RBM34: variants seen among roughly 807,000 people sequenced by gnomAD.
The protein encoded by RBM34 is RNA binding motif protein 34.
Under a neutral mutation model 44.6 loss-of-function variants are expected in RBM34, and 39 were observed. That is an observed-to-expected ratio of 0.87 (90% CI 0.68 to 1.14). The LOEUF (loss-of-function observed/expected upper bound fraction) is 1.14, where lower values mean the gene tolerates loss of function less well. Ranked by LOEUF, RBM34 falls within the 50% of genes most tolerant of loss-of-function variation. The probability of loss-of-function intolerance (pLI) is 0.00; values close to 1 mark genes in which losing one functional copy is unlikely to be tolerated. For synonymous variants in RBM34, 194 were observed against 184.0 expected (o/e 1.05, Z -0.44); for missense variants, 572 against 517.9 (o/e 1.10, Z -1.01).
At chr1:235,140,315 G>T (rs542507661) in intron 6 of RBM34, among the ~76,000 whole-genome samples, 2 of 152,318 alleles carry the variant, frequency 1.3e-5, no homozygotes, top group African/African-American at 4.8e-5. Flanking sequence ...CCAGGGCTGC[G>T]CGGCGCTTGC....
intron 5 of RBM34, chr1:235,152,457 C>T: frequency 8.6e-7 from 1 of 1,169,420 alleles, no homozygotes. Flanking sequence ...AGTCACCCAT[C>T]CACCCTCCAA....
intron 3 of RBM34, among the ~76,000 whole-genome samples, chr1:235,158,279 T>A (rs1662536376): frequency 1.3e-5 from 2 of 151,710 alleles, no homozygotes; most frequent in Non-Finnish European, 2.9e-5. Context: ...TAGCTGGGTG[T>A]GGTGGTGGGC....
intron 6 of RBM34, among the ~76,000 whole-genome samples, chr1:235,146,291 G>A (rs1265628716): frequency 6.6e-6 from 1 of 152,104 alleles, no homozygotes; most frequent in Non-Finnish European, 1.5e-5. Context: ...AAAACTTTAT[G>A]TCCATCAGTG....
intron 6 of RBM34, among the ~76,000 whole-genome samples, chr1:235,139,502 G>A (rs1310780441): frequency 6.6e-6 from 1 of 152,112 alleles, no homozygotes; most frequent in Non-Finnish European, 1.5e-5. Context: ...ACAAGTGGCT[G>A]GCCTAGGACT....
At chr1:235,156,512 T>C (rs1421479339) in intron 3 of RBM34, 2 of 371,716 alleles carry the variant, frequency 5.4e-6, no homozygotes, top group Non-Finnish European at 1.1e-5. Context: ...AGCAGAGTAC[T>C]TACTCTGTAC....
rs1661509035 is a variant in RBM34, at chr1:235,138,168, T to G, written c.708A>C (p.Lys236Asn). ...TAATATTTTTCTGATCAGGATGAAT[T>G]TTACGTCTACACCAAAAAAAAAAAA... The part of the protein sequence containing the change: ...LSKKLAAIKR[K>N]IHPDQKNINA... Residue 236 changes from lysine (K) to asparagine (N), a missense_variant, in exon 7 of 11, where the codon AAA (lysine) becomes AAC (asparagine). Transcript: ENST00000408888. 5.7e-6 allele frequency: 9 copies of G among 1,591,476 alleles called. No individual in the cohort carries two copies. In the East Asian group the frequency reaches 8.9e-5, roughly 16 times the overall value.
At chr1:235,150,585 C>T (rs1366718089) in intron 5 of RBM34, among the ~76,000 whole-genome samples, 2 of 152,082 alleles carry the variant, frequency 1.3e-5, no homozygotes, top group Admixed American at 6.6e-5. Flanking sequence ...GGCAAAGGGA[C>T]AAAGGTGAGA....
In RBM34 at chr1:235,131,915, T is replaced by C. The variant is rs1175470610; in HGVS notation, c.1091A>G (p.Asn364Ser). The C allele has an allele frequency of 2.5e-5, 40 of 1,613,654 alleles. No homozygotes were observed. Among genetic ancestry groups the C allele is most frequent in the Non-Finnish European group, 3.4e-5 (40 of 1,179,676 alleles). The change falls in exon 11 of 11, where the codon AAT becomes AGT. Residue 364 changes from asparagine (N) to serine (S), a missense_variant. Physicochemically the swap from Asn to Ser is conservative, Grantham distance 46. Transcript: ENST00000408888. ...GRKLRVMRSV[N>S]KEKFKQQNSN... ...ATTTTGTTGTTTAAATTTTTCTTTA[T>C]TAACAGAACGCATGACTCTGAGTTT...
intron 10 of RBM34, 132 bp from the exon 11 acceptor site, chr1:235,132,129 A>G (rs1043778076): frequency 4.7e-5 from 37 of 782,430 alleles, no homozygotes; most frequent in Non-Finnish European, 3.1e-5. Flanking sequence ...TCCCAGGTGT[A>G]TCAGCTGCTG....
intron 3 of RBM34, among the ~76,000 whole-genome samples, chr1:235,157,223 G>A (rs1662487049): frequency 6.6e-6 from 1 of 152,220 alleles, no homozygotes; most frequent in African/African-American, 2.4e-5. Context: ...TTGGAGAAGG[G>A]AGACCAGTAA....
intron 5 of RBM34, among the ~76,000 whole-genome samples, chr1:235,149,573 T>C (rs941827570): frequency 2.0e-5 from 3 of 152,196 alleles, no homozygotes; most frequent in African/African-American, 4.8e-5. Flanking sequence ...GTGTCCATCA[T>C]GCAGGTAAGG....
In RBM34 at chr1:235,149,182, G is replaced by A. The variant is rs562091639; in HGVS notation, c.658-735C>T. Among the ~76,000 whole-genome samples, 123 of 151,664 alleles carry A rather than the reference G, an allele frequency of 8.1e-4. No individual in the cohort carries two copies. In the East Asian group the frequency reaches 0.01, roughly 12 times the overall value. ...GGCGGGCGGATCACGAGGTCAGGAG[G>A]TTGAGACCATCCTGGCTAACACGGT... is the stretch of plus-strand genomic sequence containing the variant. On this transcript the variant is annotated intron_variant, in intron 5 of 10. Transcript: ENST00000408888.
intron 8 of RBM34, among the ~76,000 whole-genome samples, chr1:235,136,662 T>G (rs879924935): frequency 6.6e-6 from 1 of 152,234 alleles, no homozygotes; most frequent in Admixed American, 6.5e-5. Flanking sequence ...GGGTGAACTG[T>G]TATAACTGTC....
At chr1:235,157,718 T>C (rs900545446) in intron 3 of RBM34, among the ~76,000 whole-genome samples, 8 of 152,024 alleles carry the variant, frequency 5.3e-5, no homozygotes, top group Non-Finnish European at 1.0e-4. Flanking sequence ...TAAGAAAGAA[T>C]TGGCAAGAGG....
At chr1:235,138,561 G>C (rs978981816) in intron 6 of RBM34, among the ~76,000 whole-genome samples, 2 of 152,048 alleles carry the variant, frequency 1.3e-5, no homozygotes, top group Admixed American at 1.3e-4. Context: ...ATATAGAAGA[G>C]TGCACAAACT....
intron 4 of RBM34, among the ~76,000 whole-genome samples, chr1:235,154,402 A>G (rs1662306713): frequency 6.6e-6 from 1 of 151,566 alleles, no homozygotes; most frequent in Non-Finnish European, 1.5e-5. Flanking sequence ...TCACAAAAAA[A>G]AAAACACAAA....
chr1:235,156,709 A>G (rs1229806271), intron 3 of RBM34: 2 of 432,206 alleles, frequency 4.6e-6, no homozygotes, highest in Non-Finnish European at 9.3e-6. Flanking sequence ...GTGAGGGAAG[A>G]GAAGAGCTAA....
chr1:235,152,291 TTATC>T (rs1447670119), intron 5 of RBM34, among the ~76,000 whole-genome samples: 1 of 152,192 alleles, frequency 6.6e-6, no homozygotes, highest in Non-Finnish European at 1.5e-5. Flanking sequence ...CATAAATTCT[TTATC>T]TGTCTGTGCT....
At chr1:235,148,645 C>T (rs1662016991) in intron 5 of RBM34, among the ~76,000 whole-genome samples, 198 bp from the exon 6 acceptor site, 1 of 151,058 alleles carries the variant, frequency 6.6e-6, no homozygotes, top group Non-Finnish European at 1.5e-5. Flanking sequence ...GTCACCCAGG[C>T]TGGAGTGCAG....
Sources: gnomAD v4.1 joint callset for allele counts (sites outside exome capture counted in the v4.1 genomes callset) on GRCh38, gnomAD v4.1.1 for gene constraint, MANE v1.5 for transcripts, NCBI Gene and HGNC (gene_info 2026-07-23, HGNC 2026-07-21) for gene names.